IL1RAPL1: variants seen among roughly 807,000 people sequenced by gnomAD.
IL1RAPL1 encodes the protein interleukin 1 receptor accessory protein like 1.
IL1RAPL1 carries 3 observed loss-of-function variants against 48.4 expected under a neutral mutation model. The ratio of observed to expected loss-of-function variants is 0.06; its 90% confidence interval spans 0.03 to 0.16. IL1RAPL1 has a LOEUF of 0.16. IL1RAPL1 is among the 10% of genes least tolerant of loss of function. IL1RAPL1 has a pLI of 1.00. For missense variants in IL1RAPL1, 349 were observed against 530.6 expected, an observed-to-expected ratio of 0.66 and a Z score of 3.36; for synonymous variants, 185 against 187.7, an observed-to-expected ratio of 0.99 and a Z score of 0.12.
rs138175487 is a variant in IL1RAPL1, at chrX:29,219,224, A to G, written c.83-63714A>G. Among the ~76,000 whole-genome samples the G allele has an allele frequency of 1.0e-3, 116 of 112,299 alleles. No individual in the cohort carries two copies. The East Asian group carries it at 0.017, about 16-fold the overall frequency. On this transcript the variant is annotated intron_variant, in intron 2 of 10. Coordinates refer to ENST00000378993, the MANE Select transcript of IL1RAPL1 (RefSeq NM_014271.4). ...TGCCAAGTAGTTATTGGGTGAGCCA[A>G]GACTCAAATCTAGATAAAGTATTTA...
At chrX:29,130,839 A>T (rs1929004981) in intron 2 of IL1RAPL1, among the ~76,000 whole-genome samples, 1 of 112,424 alleles carries the variant, frequency 8.9e-6, no homozygotes, top group African/African-American at 3.2e-5. Flanking sequence ...AAGTTTTAAA[A>T]ATTACTTACC....
At chrX:29,869,303 G>T (rs1931757813) in intron 6 of IL1RAPL1, among the ~76,000 whole-genome samples, 1 of 111,774 alleles carries the variant, frequency 8.9e-6, no homozygotes, top group Non-Finnish European at 1.9e-5. Flanking sequence ...CTTGCTTATT[G>T]CAGGTTAAGA....
intron 6 of IL1RAPL1, among the ~76,000 whole-genome samples, chrX:29,865,189 C>A (rs1931665042): frequency 8.9e-6 from 1 of 112,014 alleles, no homozygotes; most frequent in East Asian, 2.8e-4. Flanking sequence ...ATCTCTATTG[C>A]ACTCTGTGAA....
chrX:29,193,319 A>T (rs749064627), intron 2 of IL1RAPL1, among the ~76,000 whole-genome samples: 1 of 111,161 alleles, frequency 9.0e-6, no homozygotes, highest in East Asian at 2.8e-4. Flanking sequence ...TGATTAAATT[A>T]AATGTCTTAT....
chrX:29,757,024 G>A (rs1010336003), intron 6 of IL1RAPL1, among the ~76,000 whole-genome samples: 2 of 111,181 alleles, frequency 1.8e-5, no homozygotes, highest in African/African-American at 3.3e-5. Context: ...AGGCAAGGAA[G>A]GATTCCCCTA....
At chrX:29,736,093 T>A (rs1198445858) in intron 6 of IL1RAPL1, among the ~76,000 whole-genome samples, 1 of 112,262 alleles carries the variant, frequency 8.9e-6, no homozygotes, top group East Asian at 2.8e-4. Flanking sequence ...ACTGAAGTTG[T>A]CCACAAAGAA....
At chrX:29,451,151 C>T in intron 5 of IL1RAPL1, among the ~76,000 whole-genome samples, 1 of 106,660 alleles carries the variant, frequency 9.4e-6, no homozygotes, top group Non-Finnish European at 1.9e-5. Flanking sequence ...ATTTTCTTTT[C>T]TTCTATTCTT....
chrX:29,076,079 G>A (rs990575487), intron 2 of IL1RAPL1, among the ~76,000 whole-genome samples: 2 of 111,724 alleles, frequency 1.8e-5, no homozygotes, highest in Non-Finnish European at 3.8e-5. Flanking sequence ...ACTAAAGAGA[G>A]TGAATCAATG....
chrX:29,443,964 G>C (rs1186283507), intron 5 of IL1RAPL1, among the ~76,000 whole-genome samples: 2 of 112,367 alleles, frequency 1.8e-5, no homozygotes, highest in Non-Finnish European at 3.8e-5. Context: ...ATTGACCAAA[G>C]CAAGTTACAT....
intron 5 of IL1RAPL1, among the ~76,000 whole-genome samples, chrX:29,645,498 C>A (rs2147087881): frequency 9.1e-6 from 1 of 109,735 alleles, no homozygotes; most frequent in South Asian, 3.8e-4. Context: ...ACAATGAAAT[C>A]TAGCATCAGT....
intron 3 of IL1RAPL1, among the ~76,000 whole-genome samples, chrX:29,354,070 C>T (rs1933270342): frequency 9.1e-6 from 1 of 109,864 alleles, no homozygotes; most frequent in South Asian, 3.9e-4. Context: ...TTTTGATGTG[C>T]GTTTTAATTG....
At chrX:29,611,217 C>T (rs1349421363) in intron 5 of IL1RAPL1, among the ~76,000 whole-genome samples, 1 of 110,833 alleles carries the variant, frequency 9.0e-6, no homozygotes, top group Non-Finnish European at 1.9e-5. Context: ...CTTTTAGGTC[C>T]AATAAGAAAC....
chrX:28,857,537 C>A (rs1921834484), intron 2 of IL1RAPL1, among the ~76,000 whole-genome samples: 2 of 111,215 alleles, frequency 1.8e-5, no homozygotes, highest in South Asian at 7.6e-4. Context: ...TTCTGAAAAT[C>A]CTAGGGCCTT....
chrX:29,919,825 A>T, intron 7 of IL1RAPL1, 124 bp from the exon 8 acceptor site: 1 of 669,288 alleles, frequency 1.5e-6, no homozygotes, highest in Non-Finnish European at 2.4e-6. Flanking sequence ...ATCAATTCAT[A>T]GCCAAATTAG....
chrX:28,606,966 A>G (rs1271552049), intron 1 of IL1RAPL1, among the ~76,000 whole-genome samples: 2 of 111,559 alleles, frequency 1.8e-5, no homozygotes, highest in Non-Finnish European at 3.8e-5. Flanking sequence ...GGGATTCAAT[A>G]GAAAATAAAT....
chrX:29,478,289 C>G (rs1019595368), intron 5 of IL1RAPL1, among the ~76,000 whole-genome samples: 2 of 111,983 alleles, frequency 1.8e-5, no homozygotes, highest in African/African-American at 6.5e-5. Flanking sequence ...ATATTTAGAG[C>G]CCTCTTTGAC....
At chrX:29,217,261 G>T (rs373358331) in intron 2 of IL1RAPL1, among the ~76,000 whole-genome samples, 1 of 112,023 alleles carries the variant, frequency 8.9e-6, no homozygotes, top group Non-Finnish European at 1.9e-5. Context: ...TTGACTTCAT[G>T]ACCCAATAAT....
At chrX:28,792,437 T>G (rs1936548440) in intron 2 of IL1RAPL1, among the ~76,000 whole-genome samples, 1 of 110,331 alleles carries the variant, frequency 9.1e-6, no homozygotes, top group Admixed American at 9.7e-5. Flanking sequence ...GGAAATGCAT[T>G]ATTTTTATCA....
rs780207235 is a variant in IL1RAPL1 at position 29,955,509 on chromosome X, G to A, written c.1780G>A (p.Ala594Thr). 4.1e-6 allele frequency: 5 copies of A among 1,208,284 alleles called. No individual in the cohort carries two copies. Among genetic ancestry groups the A allele is most frequent in the Admixed American group, 2.2e-5 (1 of 45,659 alleles). Reference sequence around the variant, plus strand: ...GACTGTCTCGGCCATTTCCATGGCCGCGGCCACCTCCACAGCTCTAGCCAC... The same window carrying A: ...GACTGTCTCGGCCATTTCCATGGCCACGGCCACCTCCACAGCTCTAGCCAC... ...LQTVSAISMAAATSTALATAH... is the reference protein window; with the variant it reads ...LQTVSAISMATATSTALATAH... Residue 594 changes from alanine to threonine, a missense_variant, in exon 11 of 11, where the codon GCG (alanine) becomes ACG (threonine). Ala to Thr is a moderately conservative substitution (Grantham distance 58). This residue lies in a region of IL1RAPL1 where 46 missense variants were observed against 113.3 expected (regional missense o/e 0.41). Transcript: ENST00000378993.
Sources: gnomAD v4.1 joint callset for allele counts (sites outside exome capture counted in the v4.1 genomes callset) on GRCh38, gnomAD v4.1.1 for gene constraint, gnomAD v4.1.1 regional missense constraint, MANE v1.5 for transcripts, NCBI Gene and HGNC (gene_info 2026-07-23, HGNC 2026-07-21) for gene names.